The following SYNPO2 variants were observed in gnomAD, a reference collection of about 807,000 sequenced individuals.
The protein encoded by SYNPO2 is synaptopodin 2.
A neutral mutation model predicts 85.0 loss-of-function variants in SYNPO2; 56 were observed. The ratio of observed to expected loss-of-function variants is 0.66; its 90% CI spans 0.53 to 0.82. The LOEUF (loss-of-function observed/expected upper bound fraction) is 0.82, where lower values mean the gene tolerates loss of function less well. SYNPO2 is among the 40% of genes least tolerant of loss of function. The pLI, the probability that SYNPO2 is intolerant of heterozygous loss-of-function variation, is 0.00. For missense variants in SYNPO2, 1,575 were observed against 1,534.2 expected, an observed-to-expected ratio of 1.03 and a Z score of -0.44; for synonymous variants, 602 against 591.1, an observed-to-expected ratio of 1.02 and a Z score of -0.27.
chr4:118,876,375 T>C (rs886587373), intron 1 of SYNPO2, among the ~76,000 whole-genome samples: 4 of 152,236 alleles, frequency 2.6e-5, no homozygotes, highest in African/African-American at 9.6e-5. Context: ...GATCACCTTA[T>C]GTGTTGCATC....
At chr4:118,968,327 G>C (rs150747915) in intron 1 of SYNPO2, among the ~76,000 whole-genome samples, 32 of 152,280 alleles carry the variant, frequency 2.1e-4, no homozygotes, top group African/African-American at 7.2e-4. Flanking sequence ...ACAAAGTCTG[G>C]AGACGAAATG....
chr4:118,933,057 A>T (rs1482573444), intron 1 of SYNPO2, among the ~76,000 whole-genome samples: 1 of 152,232 alleles, frequency 6.6e-6, no homozygotes, highest in Non-Finnish European at 1.5e-5. Context: ...AGGAGGAAAG[A>T]CAAGTGAAAA....
At chr4:118,927,217 G>A (rs1345883713) in intron 1 of SYNPO2, among the ~76,000 whole-genome samples, 1 of 152,052 alleles carries the variant, frequency 6.6e-6, no homozygotes, top group Non-Finnish European at 1.5e-5. Flanking sequence ...TCTGGGCAGA[G>A]AGGCAAGATG....
At chr4:118,913,689 G>C (rs918636625) in intron 1 of SYNPO2, among the ~76,000 whole-genome samples, 2 of 151,416 alleles carry the variant, frequency 1.3e-5, no homozygotes, top group Non-Finnish European at 2.9e-5. Context: ...TGTCAGGGTC[G>C]CAGGAAAACA....
chr4:118,879,926 G>T (rs144761793), intron 1 of SYNPO2, among the ~76,000 whole-genome samples: 168 of 151,868 alleles, frequency 1.1e-3, no homozygotes, highest in African/African-American at 3.7e-3. Context: ...CAGCATGGAG[G>T]TCTGCACTAC....
At chr4:118,942,105 A>G (rs1041000883) in intron 1 of SYNPO2, among the ~76,000 whole-genome samples, 4 of 152,188 alleles carry the variant, frequency 2.6e-5, no homozygotes, top group African/African-American at 9.7e-5. Context: ...ACGGCAAGTT[A>G]TTTATCATAT....
chr4:118,947,361 G>A (rs1283723287), intron 1 of SYNPO2, among the ~76,000 whole-genome samples: 1 of 152,160 alleles, frequency 6.6e-6, no homozygotes, highest in African/African-American at 2.4e-5. Context: ...ATGGGACACA[G>A]CACTTTGTTT....
intron 1 of SYNPO2, among the ~76,000 whole-genome samples, chr4:118,975,422 AT>A (rs1735686658): frequency 6.6e-6 from 1 of 152,208 alleles, no homozygotes; most frequent in African/African-American, 2.4e-5. Flanking sequence ...TGGCATATGA[AT>A]GACAAACAGA....
intron 1 of SYNPO2, among the ~76,000 whole-genome samples, chr4:118,879,011 A>C (rs977969904): frequency 2.0e-5 from 3 of 152,194 alleles, no homozygotes; most frequent in Admixed American, 1.3e-4. Flanking sequence ...CAGCGAGACC[A>C]TGAACCCACA....
intron 4 of SYNPO2, among the ~76,000 whole-genome samples, chr4:119,039,250 T>C (rs1366589473): frequency 1.3e-5 from 2 of 152,090 alleles, no homozygotes; most frequent in African/African-American, 4.8e-5. Context: ...GGAACTTGTG[T>C]AACATGGTAG....
chr4:119,027,376 G>A lies in SYNPO2; in HGVS notation c.1007G>A (p.Gly336Glu). The change falls in exon 3 of 5, where the codon GGA (glycine) becomes GAA (glutamate). Residue 336 changes from glycine (G) to glutamate (E), a missense_variant. By Grantham distance (98) the Gly-to-Glu change is moderately conservative. Around this residue, in one of 3 missense-constraint regions of SYNPO2, gnomAD observed 1,508 missense variants for 1,446.8 expected, o/e 1.04. Transcript: ENST00000307142. ...GTCTCATCAGAAGGCACAGAGCAGGGAGAAGATCCACGCTCGGAAAAAGAT... is the reference window on the plus strand; with the variant it reads ...GTCTCATCAGAAGGCACAGAGCAGGAAGAAGATCCACGCTCGGAAAAAGAT... ...FAVSSEGTEQ[G>E]EDPRSEKDHS... 1 of 1,613,438 alleles carries A rather than the reference G, an allele frequency of 6.2e-7. No individual in the cohort carries two copies. The highest frequency in any genetic ancestry group is 8.5e-7 in the Non-Finnish European group (1 of 1,179,834).
chr4:118,963,310 G>A (rs1349231580), intron 1 of SYNPO2, among the ~76,000 whole-genome samples: 1 of 152,182 alleles, frequency 6.6e-6, no homozygotes, highest in African/African-American at 2.4e-5. Context: ...AATTTCAAAG[G>A]TGGGTTAATT....
intron 2 of SYNPO2, among the ~76,000 whole-genome samples, chr4:119,023,978 C>G (rs1162814326): frequency 6.6e-6 from 1 of 152,110 alleles, no homozygotes; most frequent in African/African-American, 2.4e-5. Context: ...GACCATTAAA[C>G]TGTACAATTT....
intron 1 of SYNPO2, among the ~76,000 whole-genome samples, chr4:118,908,472 A>C (rs372995076): frequency 3.9e-5 from 6 of 152,276 alleles, no homozygotes; most frequent in African/African-American, 1.4e-4. Flanking sequence ...ATAGAAGAAA[A>C]TTCTCACATT....
chr4:119,032,783 G>A, intron 4 of SYNPO2: 1 of 866,942 alleles, frequency 1.2e-6, no homozygotes, highest in Non-Finnish European at 1.4e-6. Context: ...ACTTTGGGAG[G>A]CTGAGGTAGG....
At chr4:118,941,373 G>A (rs892349726) in intron 1 of SYNPO2, among the ~76,000 whole-genome samples, 1 of 152,076 alleles carries the variant, frequency 6.6e-6, no homozygotes, top group African/African-American at 2.4e-5. Flanking sequence ...CCACTAACTG[G>A]CATCTGTCCA....
chr4:118,981,701 A>G (rs1158023186), intron 1 of SYNPO2, among the ~76,000 whole-genome samples: 1 of 152,202 alleles, frequency 6.6e-6, no homozygotes, highest in East Asian at 1.9e-4. Context: ...TCCCGGTCAC[A>G]TGCAGGTAGC....
chr4:118,880,105 G>A (rs1020117516), intron 1 of SYNPO2, among the ~76,000 whole-genome samples: 1 of 152,152 alleles, frequency 6.6e-6, no homozygotes, highest in African/African-American at 2.4e-5. Flanking sequence ...TTCTTTTCCT[G>A]CTCAGCAAAA....
At position 118,992,021 on chromosome 4, in the gene SYNPO2, C is replaced by T. The variant is rs150939972; in HGVS notation, c.106-31409C>T. Among the ~76,000 whole-genome samples the T allele has an allele frequency of 4.6e-3, 701 of 152,200 alleles. 6 individuals are homozygous for T. The highest frequency in any genetic ancestry group is 6.8e-3 in the Non-Finnish European group (461 of 68,016). On this transcript the variant is annotated intron_variant, in intron 1 of 4. Coordinates refer to ENST00000307142, the MANE Select transcript of SYNPO2 (RefSeq NM_133477.3). ...TGTAGAGTCTTAAAAGAGTCTGACA[C>T]GGTCTAAGAATAGGGAGAACTTCAT...
Sources: gnomAD v4.1 joint callset for allele counts (sites outside exome capture counted in the v4.1 genomes callset) on GRCh38, gnomAD v4.1.1 for gene constraint, gnomAD v4.1.1 regional missense constraint, MANE v1.5 for transcripts, NCBI Gene and HGNC (gene_info 2026-07-23, HGNC 2026-07-21) for gene names.